Variants in NRSN2 observed in about 807,000 individuals in gnomAD.
NRSN2 encodes the protein neurensin 2.
Under a neutral mutation model 11.1 loss-of-function variants are expected in NRSN2, and 10 were observed. That is an observed-to-expected ratio of 0.90 (90% CI 0.56 to 1.53). The LOEUF (loss-of-function observed/expected upper bound fraction) is 1.53, where lower values mean the gene tolerates loss of function less well. Among genes scored for constraint, NRSN2 ranks in the 40% most tolerant of loss-of-function variants. The probability of loss-of-function intolerance (pLI) is 0.00; values close to 1 mark genes in which losing one functional copy is unlikely to be tolerated. For synonymous variants in NRSN2, 100 were observed against 117.0 expected (o/e 0.86, Z 0.94); for missense variants, 260 against 273.7 (o/e 0.95, Z 0.35).
In NRSN2 at chr20:349,670, C is replaced by T. The variant is rs148758437; in HGVS notation, c.27C>T (p.Cys9=). 1.2e-6 allele frequency: 2 copies of T among 1,612,344 alleles called. No individual in the cohort carries two copies. The highest frequency in any genetic ancestry group is 1.7e-6 in the Non-Finnish European group (2 of 1,179,762). The change falls in exon 4 of 5, where the codon TGC becomes TGT. Residue 9 remains cysteine (C), a synonymous_variant. Coordinates refer to ENST00000382285, the MANE Select transcript of NRSN2 (RefSeq NM_001323682.2). ...TGATGCCGAGCTGCAATCGTTCCTG[C>T]AGCTGCAGCCGCGGCCCCAGCGTGG... MMPSCNRS[C]SCSRGPSVED...
Position 353,673 on chromosome 20 carries a change from TC to T in NRSN2, c.*44del, listed in dbSNP as rs5839855. 0.84 allele frequency: 1,317,925 copies of T among 1,571,218 alleles called. 555,108 individuals are homozygous for T. Among genetic ancestry groups the T allele is most frequent in the East Asian group, 1 (44,273 of 44,298 alleles). On this transcript the variant is annotated 3_prime_UTR_variant, in exon 5 of 5. Coordinates refer to ENST00000382285, the MANE Select transcript of NRSN2 (RefSeq NM_001323682.2). Reference sequence around the variant, plus strand: ...GCCTAAGATGTGGGTCCTGGATCCTTCCCCCCTTCTCACCATAACCCCCTCT... The same window carrying T: ...GCCTAAGATGTGGGTCCTGGATCCTTCCCCCTTCTCACCATAACCCCCTCT...
chr20:351,153 C>T (rs189985938), intron 4 of NRSN2, among the ~76,000 whole-genome samples: 269 of 152,242 alleles, frequency 1.8e-3, no homozygotes, highest in African/African-American at 6.1e-3. Context: ...CACTAGAACC[C>T]GGGAGACAGC....
At chr20:349,892 AT>A in intron 4 of NRSN2, 60 bp downstream of exon 4, 1 of 1,512,458 alleles carries the variant, frequency 6.6e-7, no homozygotes. Flanking sequence ...ATGAGTCTGA[AT>A]TTGAGGCTCA....
chr20:350,934 T>A (rs1037772696), intron 4 of NRSN2, among the ~76,000 whole-genome samples: 36 of 152,268 alleles, frequency 2.4e-4, no homozygotes, highest in Middle Eastern at 3.4e-3. Flanking sequence ...GAAGTCAGCA[T>A]TTCCTGTGGT....
At chr20:348,788 C>G (rs900732238) in intron 2 of NRSN2, among the ~76,000 whole-genome samples, 2 of 151,076 alleles carry the variant, frequency 1.3e-5, no homozygotes, top group Non-Finnish European at 2.9e-5. Context: ...GGCTTTGGTT[C>G]GGGCCAAACC....
chr20:353,714 C>T lies in NRSN2; in HGVS notation c.*79C>T. 6.9e-7 allele frequency: 1 copy of T among 1,452,064 alleles called. No homozygotes were observed. The highest frequency in any genetic ancestry group is 1.2e-5 in the South Asian group (1 of 81,782). The allele number at this position is 1,452,064 out of a possible 1,614,324, so 89.9% of individuals were successfully genotyped here. On this transcript the variant is annotated 3_prime_UTR_variant, in exon 5 of 5. Coordinates refer to ENST00000382285, the MANE Select transcript of NRSN2 (RefSeq NM_001323682.2). ...TAACCCCCTCTCAGTGTTTCCCCAA[C>T]TTCTCCCTTTTAGCAGGGTCCCTTT...
rs944072793 is a variant in NRSN2, at chr20:354,071, C to T, written c.*436C>T. 1 of 174,942 alleles carries T rather than the reference C, an allele frequency of 5.7e-6. No homozygotes were observed. Among genetic ancestry groups the T allele is most frequent in the African/African-American group, 2.4e-5 (1 of 42,016 alleles). The allele number at this position is 174,942 out of a possible 1,614,324, so 10.8% of individuals were successfully genotyped here. A position where few individuals can be genotyped will look rare whatever the true frequency, so the allele number is the denominator to read the frequency against. On this transcript the variant is annotated 3_prime_UTR_variant, in exon 5 of 5. Coordinates refer to ENST00000382285, the MANE Select transcript of NRSN2 (RefSeq NM_001323682.2). Reference sequence around the variant, plus strand: ...AGATGAAGGGGTGGGGGTCATTCAGCTCGAATGGGTCCCAGATGCTCACTT... The same window carrying T: ...AGATGAAGGGGTGGGGGTCATTCAGTTCGAATGGGTCCCAGATGCTCACTT...
intron 2 of NRSN2, chr20:348,244 T>G (rs893938566): frequency 6.6e-6 from 1 of 150,498 alleles, no homozygotes; most frequent in Admixed American, 6.7e-5. Context: ...CCCGCCCGCC[T>G]CCTCCGGCGA....
rs943208291 is a variant in NRSN2 at position 347,902 on chromosome 20, G to C, written c.-122+390G>C. ...GGTGCCTGCGCCCCGCCCCCCGCCC[G>C]CCAGACCTACTCCGTGCAGCCCTGA... On this transcript the variant is annotated intron_variant, in intron 2 of 4. Transcript: ENST00000382285. The surrounding 1 kb of genome is among the most constrained non-coding windows in gnomAD (Gnocchi z 7.0). 6.6e-6 allele frequency among the ~76,000 whole-genome samples: 1 copy of C among 151,458 alleles called. No individual in the cohort carries two copies. Among genetic ancestry groups the C allele is most frequent in the Non-Finnish European group, 1.5e-5 (1 of 67,814 alleles).
At chr20:352,248 AGGT>A (rs145315925) in intron 4 of NRSN2, among the ~76,000 whole-genome samples, 2,444 of 152,316 alleles carry the variant, frequency 0.016, 73 homozygotes, top group African/African-American at 0.056. Flanking sequence ...CAATGGGTCA[AGGT>A]GTAGAGGTGG....
chr20:354,002 C>T lies in NRSN2; in HGVS notation c.*367C>T, dbSNP rs992759722. On this transcript the variant is annotated 3_prime_UTR_variant, in exon 5 of 5. Transcript: ENST00000382285. ...GCCATGAGGGCTTTGGATCAGATTC[C>T]TCTTCTCGCCAGGATGAGGACACGC... The T allele has an allele frequency of 2.5e-5, 7 of 277,664 alleles. No individual in the cohort carries two copies. Among genetic ancestry groups the T allele is most frequent in the Non-Finnish European group, 4.1e-5 (6 of 147,214 alleles). The allele number at this position is 277,664 out of a possible 1,614,324, so 17.2% of individuals were successfully genotyped here. A position where few individuals can be genotyped will look rare whatever the true frequency, so the allele number is the denominator to read the frequency against.
intron 4 of NRSN2, 132 bp from the exon 5 acceptor site, chr20:353,078 G>A (rs1414917982): frequency 1.3e-6 from 1 of 778,674 alleles, no homozygotes; most frequent in Admixed American, 2.5e-5. Flanking sequence ...CAGCAAGTGT[G>A]TTCTGTGATT....
chr20:349,119 T>C (rs546929743), intron 2 of NRSN2, 130 bp from the exon 3 acceptor site: 5 of 152,324 alleles, frequency 3.3e-5, no homozygotes, highest in South Asian at 2.1e-4. Flanking sequence ...ATTCCAGATA[T>C]GGAGACTAAA....
chr20:353,710 C>T lies in NRSN2; in HGVS notation c.*75C>T. 6.9e-7 allele frequency: 1 copy of T among 1,458,562 alleles called. No individual in the cohort carries two copies. Among genetic ancestry groups the T allele is most frequent in the Non-Finnish European group, 9.3e-7 (1 of 1,070,518 alleles). The allele number at this position is 1,458,562 out of a possible 1,614,324, so 90.4% of individuals were successfully genotyped here. A position where few individuals can be genotyped will look rare whatever the true frequency, so the allele number is the denominator to read the frequency against. On this transcript the variant is annotated 3_prime_UTR_variant, in exon 5 of 5. Transcript: ENST00000382285. ...ACCATAACCCCCTCTCAGTGTTTCCCCAACTTCTCCCTTTTAGCAGGGTCC... is the reference window on the plus strand; with the variant it reads ...ACCATAACCCCCTCTCAGTGTTTCCTCAACTTCTCCCTTTTAGCAGGGTCC...
At position 353,271 on chromosome 20, in the gene NRSN2, A is replaced by G; in HGVS notation, c.251A>G (p.Tyr84Cys). 1.9e-6 allele frequency: 3 copies of G among 1,613,850 alleles called. No homozygotes were observed. The highest frequency in any genetic ancestry group is 2.5e-6 in the Non-Finnish European group (3 of 1,179,986). Residue 84 changes from tyrosine (Y) to cysteine (C), a missense_variant, in exon 5 of 5, where the codon TAT (tyrosine) becomes TGT (cysteine). Coordinates refer to ENST00000382285, the MANE Select transcript of NRSN2 (RefSeq NM_001323682.2). ...LLGVAALTTG[Y>C]AVPPKLEGIG... ...GGTGTGGCGGCTCTGACCACTGGCTATGCAGTGCCCCCCAAGCTGGAGGGC... is the reference window on the plus strand; with the variant it reads ...GGTGTGGCGGCTCTGACCACTGGCTGTGCAGTGCCCCCCAAGCTGGAGGGC...
chr20:348,956 A>G (rs1401936048), intron 2 of NRSN2, among the ~76,000 whole-genome samples: 2 of 151,870 alleles, frequency 1.3e-5, no homozygotes, highest in Admixed American at 6.6e-5. Flanking sequence ...CTTCCAATGG[A>G]GTCAAAATTC....
chr20:347,776 A>T lies in NRSN2; in HGVS notation c.-122+264A>T, dbSNP rs573905783. On this transcript the variant is annotated intron_variant, in intron 2 of 4. Transcript: ENST00000382285. This position sits in a 1 kb window ranked among gnomAD's most constrained non-coding sequence, Gnocchi z 7.0. ...CCGCCGCAGTCTCCCCACGTCGGAC[A>T]GCGCAGCCCCCTCCGCCTCCCGCTC... 6.6e-5 allele frequency among the ~76,000 whole-genome samples: 10 copies of T among 151,926 alleles called. No homozygotes were observed. The South Asian group carries it at 2.1e-3, about 32-fold the overall frequency.
intron 4 of NRSN2, 89 bp downstream of exon 4, chr20:349,921 T>G (rs2013795083): frequency 2.3e-6 from 3 of 1,297,320 alleles, no homozygotes; most frequent in Middle Eastern, 2.1e-4. Context: ...AAAGAAGAGA[T>G]AGCGTAGTAG....
At chr20:349,611 G>A (rs768148097) in intron 3 of NRSN2, 27 bp from the exon 4 acceptor site, 44 of 1,580,762 alleles carry the variant, frequency 2.8e-5, no homozygotes, top group African/African-American at 2.2e-4. Flanking sequence ...CCCTCCCTCC[G>A]TCAGCTGCAC....
Sources: allele counts gnomAD v4.1 joint callset (sites outside exome capture counted in the v4.1 genomes callset), GRCh38; gene constraint gnomAD v4.1.1; non-coding constraint Gnocchi (gnomAD v3.1); transcripts MANE v1.5; gene names NCBI Gene and HGNC (gene_info 2026-07-23, HGNC 2026-07-21).